Variants in SNX29 observed in about 807,000 individuals in gnomAD.
The protein encoded by SNX29 is sorting nexin-29.
In SNX29, 78 loss-of-function variants were observed where a neutral mutation model predicts 102.1. The observed-to-expected ratio is 0.76, with a 90% CI of 0.64 to 0.92. SNX29 has a LOEUF of 0.92. Ranked by LOEUF, SNX29 falls within the 40% of genes least tolerant of loss-of-function variation. SNX29 has a pLI of 0.00. For synonymous variants in SNX29, 580 were observed against 414.5 expected, an observed-to-expected ratio of 1.40 and a Z score of -4.85; for missense variants, 1,280 against 1,061.7, an observed-to-expected ratio of 1.21 and a Z score of -2.86.
intron 18 of SNX29, among the ~76,000 whole-genome samples, chr16:12,463,421 C>T (rs988645823): frequency 2.5e-4 from 38 of 152,246 alleles, no homozygotes; most frequent in Non-Finnish European, 1.0e-4. Flanking sequence ...TGGTTGAAGG[C>T]AAGGAGGAGC....
intron 8 of SNX29, among the ~76,000 whole-genome samples, chr16:12,055,986 A>T (rs1193445706): frequency 6.6e-6 from 1 of 152,052 alleles, no homozygotes; most frequent in East Asian, 1.9e-4. Flanking sequence ...GGTTTAAGCG[A>T]TTCTCCTGCC....
In SNX29 at chr16:12,247,168, G is replaced by A. The variant is rs373274306; in HGVS notation, c.1679-30765G>A. On this transcript the variant is annotated intron_variant, in intron 14 of 20. Coordinates refer to ENST00000566228, the MANE Select transcript of SNX29 (RefSeq NM_032167.5). ...ATACGACGGGGAGAGAATTCAGGAA[G>A]GCAGAGGCCGGTATGGGGTGACCAT... 6.6e-5 allele frequency among the ~76,000 whole-genome samples: 10 copies of A among 152,174 alleles called. No individual in the cohort carries two copies. The East Asian group carries it at 1.5e-3, about 23-fold the overall frequency.
At chr16:12,248,796 A>T (rs893482726) in intron 14 of SNX29, among the ~76,000 whole-genome samples, 5 of 151,918 alleles carry the variant, frequency 3.3e-5, no homozygotes, top group African/African-American at 9.7e-5. Context: ...TTTTCTGTGC[A>T]GCTTTTAGCA....
intron 1 of SNX29, among the ~76,000 whole-genome samples, chr16:11,988,071 A>G (rs2055700049): frequency 6.6e-6 from 1 of 152,122 alleles, no homozygotes; most frequent in Non-Finnish European, 1.5e-5. Context: ...AGGCAGGTGG[A>G]TCACCTGAGG....
chr16:12,016,535 AG>A (rs1221916383), intron 3 of SNX29, among the ~76,000 whole-genome samples: 4 of 152,300 alleles, frequency 2.6e-5, no homozygotes, highest in Non-Finnish European at 4.4e-5. Context: ...CGTTCCCACC[AG>A]TAGTGTGGCA....
At chr16:12,565,314 A>T (rs1194929692) in intron 20 of SNX29, among the ~76,000 whole-genome samples, 1 of 152,114 alleles carries the variant, frequency 6.6e-6, no homozygotes, top group Non-Finnish European at 1.5e-5. Context: ...ATTCAAGTCC[A>T]CTGTGCTCAG....
At chr16:12,547,256 G>C (rs8059672) in intron 20 of SNX29, among the ~76,000 whole-genome samples, 32 of 152,222 alleles carry the variant, frequency 2.1e-4, no homozygotes, top group African/African-American at 7.2e-4. Flanking sequence ...AGGTGCAAAG[G>C]TCCTGCAGCC....
chr16:12,376,278 A>G (rs1173705086), intron 16 of SNX29, among the ~76,000 whole-genome samples: 2 of 152,318 alleles, frequency 1.3e-5, no homozygotes, highest in Non-Finnish European at 2.9e-5. Context: ...GCGAGTTGTC[A>G]CAGGCTGAAT....
chr16:12,353,229 A>G (rs2082038549), intron 15 of SNX29, among the ~76,000 whole-genome samples: 1 of 152,160 alleles, frequency 6.6e-6, no homozygotes, highest in South Asian at 2.1e-4. Context: ...GCTTCGGGGC[A>G]CACTGAGTGC....
chr16:12,405,898 G>C (rs934501493), intron 18 of SNX29, among the ~76,000 whole-genome samples: 1 of 152,116 alleles, frequency 6.6e-6, no homozygotes, highest in African/African-American at 2.4e-5. Context: ...CAGGCGTGGT[G>C]GTGGGCGCCT....
At chr16:12,495,806 C>T (rs1345866191) in intron 19 of SNX29, among the ~76,000 whole-genome samples, 3 of 152,156 alleles carry the variant, frequency 2.0e-5, no homozygotes, top group African/African-American at 7.2e-5. Flanking sequence ...GTAATCCCAG[C>T]ACTTTGGGAG....
At chr16:12,472,528 C>CAAAAAAAAAAAAAAAAAAAA (rs2087397449) in intron 18 of SNX29, among the ~76,000 whole-genome samples, 1 of 111,526 alleles carries the variant, frequency 9.0e-6, no homozygotes, top group Admixed American at 8.7e-5. Context: ...CAAAAAAAAA[C>CAAAAAAAAAAAAAAAAAAAA]CAAAAAAAAA....
rs553577774 is a variant in SNX29, at chr16:12,503,708, C to G, written c.2179-20994C>G. Among the ~76,000 whole-genome samples, 9 of 152,226 alleles carry G rather than the reference C, an allele frequency of 5.9e-5. 1 individual carries two copies. The highest frequency in any genetic ancestry group is 2.2e-4 in the African/African-American group (9 of 41,526). ...CTTCCCTCTCTCCGTCACTTTTTTT[C>G]TGTGTAGGATTCACTGTCAGAGAGG... On this transcript the variant is annotated intron_variant, in intron 19 of 20. Transcript: ENST00000566228.
chr16:12,530,659 G>A (rs971531340), intron 20 of SNX29, among the ~76,000 whole-genome samples: 1 of 151,884 alleles, frequency 6.6e-6, no homozygotes, highest in Non-Finnish European at 1.5e-5. Flanking sequence ...GGGTTCAAGC[G>A]ATTCTCCTGC....
At chr16:12,488,757 C>T (rs1028757292) in intron 19 of SNX29, among the ~76,000 whole-genome samples, 1 of 152,140 alleles carries the variant, frequency 6.6e-6, no homozygotes, top group Admixed American at 6.5e-5. Context: ...GCAGGAATTT[C>T]CATGAAGACT....
At chr16:12,036,114 A>T (rs2057464332) in intron 4 of SNX29, among the ~76,000 whole-genome samples, 1 of 151,868 alleles carries the variant, frequency 6.6e-6, no homozygotes, top group Non-Finnish European at 1.5e-5. Context: ...TTGCTCTGTT[A>T]ACTAGGCTGG....
chr16:12,522,439 A>G (rs2090136713), intron 19 of SNX29, among the ~76,000 whole-genome samples: 1 of 151,744 alleles, frequency 6.6e-6, no homozygotes, highest in South Asian at 2.1e-4. Context: ...ATTTGTTTTT[A>G]TTTTTTAGAG....
At chr16:12,118,750 C>T (rs2053848800) in intron 11 of SNX29, among the ~76,000 whole-genome samples, 1 of 152,152 alleles carries the variant, frequency 6.6e-6, no homozygotes, top group South Asian at 2.1e-4. Context: ...GCTGTGTTTT[C>T]TAGCCTTCTG....
chr16:12,568,368 A>C (rs2079102731), intron 20 of SNX29, 138 bp from the exon 21 acceptor site: 2 of 1,129,618 alleles, frequency 1.8e-6, no homozygotes, highest in Non-Finnish European at 1.2e-6. Context: ...AGGTGGCACC[A>C]GTTAGAGGCA....
Sources: allele counts gnomAD v4.1 joint callset (sites outside exome capture counted in the v4.1 genomes callset), GRCh38; gene constraint gnomAD v4.1.1; transcripts MANE v1.5; gene names NCBI Gene and HGNC (gene_info 2026-07-23, HGNC 2026-07-21).